Variants in MON1B observed in about 807,000 individuals in gnomAD.
The protein encoded by MON1B is vacuolar fusion protein MON1 homolog B.
A neutral mutation model predicts 45.1 loss-of-function variants in MON1B; 26 were observed. That is an observed-to-expected ratio of 0.58 (90% CI 0.42 to 0.80). The LOEUF (loss-of-function observed/expected upper bound fraction) is 0.80, where lower values mean the gene tolerates loss of function less well. Ranked by LOEUF, MON1B falls within the 30% of genes least tolerant of loss-of-function variation. MON1B has a pLI of 0.00. For missense variants in MON1B, 737 were observed against 754.5 expected, an observed-to-expected ratio of 0.98 and a Z score of 0.27; for synonymous variants, 395 against 320.2, an observed-to-expected ratio of 1.23 and a Z score of -2.49.
chr16:77,195,559 C>G lies in MON1B; in HGVS notation c.1320C>G (p.Ser440Arg). The change falls in exon 5 of 6, where the codon AGC becomes AGG. Residue 440 changes from serine to arginine, a missense_variant. Ser to Arg is a moderately radical substitution (Grantham distance 110). Coordinates refer to ENST00000248248, the MANE Select transcript of MON1B (RefSeq NM_014940.4). Reference protein sequence around the residue: ...FTSPELEAPYSREEERQRLSD... With the variant: ...FTSPELEAPYRREEERQRLSD... Reference sequence around the variant, plus strand: ...GCCCTGAGCTAGAGGCCCCCTACAGCAGAGAGGAGGAGCGGCAGCGGCTGT... The same window carrying G: ...GCCCTGAGCTAGAGGCCCCCTACAGGAGAGAGGAGGAGCGGCAGCGGCTGT... 6.2e-7 allele frequency: 1 copy of G among 1,613,926 alleles called. No homozygotes were observed. Among genetic ancestry groups the G allele is most frequent in the Non-Finnish European group, 8.5e-7 (1 of 1,179,904 alleles).
rs958199022 is a variant in MON1B at position 77,201,345 on chromosome 16, C to G, written c.*3037C>G. The G allele has an allele frequency of 6.6e-6, 1 of 152,146 alleles. No homozygotes were observed. The highest frequency in any genetic ancestry group is 2.4e-5 in the African/African-American group (1 of 41,436). 9.4% of individuals were successfully genotyped at this position (152,146 alleles called of 1,614,324 possible). ...AAAAAAAATTTTAGTATCAACCTTTCAAATTCCTCAAAATTAAAGTTATGA... is the reference window on the plus strand; with the variant it reads ...AAAAAAAATTTTAGTATCAACCTTTGAAATTCCTCAAAATTAAAGTTATGA... On this transcript the variant is annotated 3_prime_UTR_variant, in exon 6 of 6. Transcript: ENST00000248248.
In MON1B at chr16:77,198,281, C is replaced by T. The variant is rs765581313; in HGVS notation, c.1617C>T (p.Ala539=). ...CAGCCACCTCTACGGACCAAGCTGC[C>T]CATAATGGCTTGTTCACTGGACTCT... ...TPPATSTDQA[A]HNGLFTGL is the part of the protein sequence containing the mutation. Residue 539 remains alanine (A), a synonymous_variant, in exon 6 of 6, where the codon GCC becomes GCT. Transcript: ENST00000248248. 33 of 1,614,062 alleles carry T rather than the reference C, an allele frequency of 2.0e-5. No individual in the cohort carries two copies. Among genetic ancestry groups the T allele is most frequent in the Non-Finnish European group, 2.6e-5 (31 of 1,180,026 alleles).
At position 77,193,303 on chromosome 16, in the gene MON1B, G is replaced by A. The variant is rs1267682377; in HGVS notation, c.149-148G>A. ...ATTGCGGGGTCCTAGGGCAGTCATC[G>A]GGTCATTGAGGGGCATAGGAGACAC... On this transcript the variant is annotated intron_variant, in intron 2 of 5. Coordinates refer to ENST00000248248, the MANE Select transcript of MON1B (RefSeq NM_014940.4). This position sits in a 1 kb window ranked among gnomAD's most constrained non-coding sequence, Gnocchi z 5.0. The A allele has an allele frequency of 5.8e-6, 4 of 694,162 alleles. No homozygotes were observed. The highest frequency in any genetic ancestry group is 2.7e-5 in the East Asian group (1 of 36,488). 43.0% of individuals were successfully genotyped at this position (694,162 alleles called of 1,614,324 possible). A position where few individuals can be genotyped will look rare whatever the true frequency, so the allele number is the denominator to read the frequency against.
intron 5 of MON1B, among the ~76,000 whole-genome samples, chr16:77,196,933 C>A (rs1367076778): frequency 6.6e-6 from 1 of 152,006 alleles, no homozygotes; most frequent in Non-Finnish European, 1.5e-5. Flanking sequence ...CGGTGGGTAC[C>A]CTGATTTAGC....
At chr16:77,195,764 G>T (rs2054659512) in intron 5 of MON1B, 82 bp downstream of exon 5, 1 of 1,529,596 alleles carries the variant, frequency 6.5e-7, no homozygotes, top group African/African-American at 1.4e-5. Flanking sequence ...CAGCCACAGT[G>T]CCTCCACCAA....
chr16:77,198,219 C>T lies in MON1B; in HGVS notation c.1555C>T (p.Leu519Phe), dbSNP rs764726268. 2 of 1,614,182 alleles carry T rather than the reference C, an allele frequency of 1.2e-6. No homozygotes were observed. Among genetic ancestry groups the T allele is most frequent in the Non-Finnish European group, 1.7e-6 (2 of 1,180,026 alleles). The change falls in exon 6 of 6, where the codon CTC (leucine) becomes TTC (phenylalanine). Residue 519 changes from leucine (L) to phenylalanine (F), a missense_variant. Transcript: ENST00000248248. ...CTGGGTGAAGAAAGAGGAGGACCGG[C>T]TCTTCATTCGTTACCCACCCAAGTA... ...LRWVKKEEDR[L>F]FIRYPPKYST... is the part of the protein sequence containing the mutation.
intron 5 of MON1B, among the ~76,000 whole-genome samples, chr16:77,195,888 C>G (rs2054660955): frequency 6.6e-6 from 1 of 152,184 alleles, no homozygotes; most frequent in Non-Finnish European, 1.5e-5. Context: ...CCGACATTAG[C>G]CTCACCCTCC....
chr16:77,198,317 G>A lies in MON1B; in HGVS notation c.*9G>A, dbSNP rs747630593. The A allele has an allele frequency of 1.9e-6, 3 of 1,613,086 alleles. No individual in the cohort carries two copies. The highest frequency in any genetic ancestry group is 3.3e-5 in the Admixed American group (2 of 60,022). On this transcript the variant is annotated 3_prime_UTR_variant, in exon 6 of 6. Coordinates refer to ENST00000248248, the MANE Select transcript of MON1B (RefSeq NM_014940.4). The stretch of plus-strand genomic sequence containing the variant: ...TGTTCACTGGACTCTGATAGTTGGA[G>A]CTCCCAGACCAGGCAGTGCTGGGAG...
chr16:77,199,362 G>A lies in MON1B; in HGVS notation c.*1054G>A, dbSNP rs540626387. The stretch of plus-strand genomic sequence containing the variant: ...CCGCTGGCGTAACCGCGGGTTGCAC[G>A]CATGCGTGCTGAAAAGCCTTTCACC... On this transcript the variant is annotated 3_prime_UTR_variant, in exon 6 of 6. Transcript: ENST00000248248. The A allele has an allele frequency of 2.3e-6, 3 of 1,326,132 alleles. No homozygotes were observed. The highest frequency in any genetic ancestry group is 2.1e-5 in the Admixed American group (1 of 48,066). The allele number at this position is 1,326,132 out of a possible 1,614,324, so 82.1% of individuals were successfully genotyped here. A position where few individuals can be genotyped will look rare whatever the true frequency, so the allele number is the denominator to read the frequency against.
In MON1B at chr16:77,195,141, C is replaced by T; in HGVS notation, c.1282C>T (p.Pro428Ser). 4 of 1,593,310 alleles carry T rather than the reference C, an allele frequency of 2.5e-6. No homozygotes were observed. The highest frequency in any genetic ancestry group is 2.5e-6 in the Non-Finnish European group (3 of 1,176,490). Residue 428 changes from proline (P) to serine (S), a missense_variant, in exon 4 of 6, where the codon CCC becomes TCC. Physicochemically the swap from Pro to Ser is moderately conservative, Grantham distance 74 (BLOSUM62 -1). Coordinates refer to ENST00000248248, the MANE Select transcript of MON1B (RefSeq NM_014940.4). Reference sequence around the variant, plus strand: ...CATCCCTGACCACCACCGCCAACTGCCCCAGTTTACCAGGTAGGCCCTGAC... The same window carrying T: ...CATCCCTGACCACCACCGCCAACTGTCCCAGTTTACCAGGTAGGCCCTGAC... ...LDIPDHHRQLPQFTSPELEAP... is the reference protein window; with the variant it reads ...LDIPDHHRQLSQFTSPELEAP...
chr16:77,197,255 G>A (rs2054674124), intron 5 of MON1B, among the ~76,000 whole-genome samples: 1 of 152,048 alleles, frequency 6.6e-6, no homozygotes, highest in Non-Finnish European at 1.5e-5. Context: ...AAATTAGCTG[G>A]ATGTGGTGGC....
chr16:77,195,371 A>G (rs557553207), intron 4 of MON1B, among the ~76,000 whole-genome samples, 164 bp from the exon 5 acceptor site: 3 of 152,266 alleles, frequency 2.0e-5, no homozygotes, highest in African/African-American at 7.2e-5. Context: ...GGAATCTCCT[A>G]GTTTGATGAG....
chr16:77,197,114 C>G (rs2142502184), intron 5 of MON1B, among the ~76,000 whole-genome samples: 1 of 152,226 alleles, frequency 6.6e-6, no homozygotes, highest in East Asian at 1.9e-4. Context: ...TGCCTCACGC[C>G]TATAATCCCA....
At position 77,198,390 on chromosome 16, in the gene MON1B, G is replaced by T. The variant is rs147383637; in HGVS notation, c.*82G>T. 4.8e-6 allele frequency: 7 copies of T among 1,449,278 alleles called. No individual in the cohort carries two copies. The South Asian group carries it at 7.2e-5, about 15-fold the overall frequency. 89.8% of individuals were successfully genotyped at this position (1,449,278 alleles called of 1,614,324 possible). A position where few individuals can be genotyped will look rare whatever the true frequency, so the allele number is the denominator to read the frequency against. On this transcript the variant is annotated 3_prime_UTR_variant, in exon 6 of 6. Transcript: ENST00000248248. ...TCTGTCTACCCTGGAAATGTGTGTG[G>T]GGGTGTGTCTGTGGCCAGTCATTGT...
chr16:77,191,454 C>G lies in MON1B; in HGVS notation c.-10-22C>G, dbSNP rs201318134. On this transcript the variant is annotated intron_variant, in intron 1 of 5. Coordinates refer to ENST00000248248, the MANE Select transcript of MON1B (RefSeq NM_014940.4). ...AGAAGTTTCTTTCACCGCCCGTCAC[C>G]CTCGATTCCCCTCCCACTCAGGGAT... 1,424 of 1,582,828 alleles carry G rather than the reference C, an allele frequency of 9.0e-4. 2 individuals are homozygous for G. The highest frequency in any genetic ancestry group is 1.2e-3 in the Non-Finnish European group (1,382 of 1,166,462).
At position 77,193,235 on chromosome 16, in the gene MON1B, G is replaced by C. The variant is rs1240040388; in HGVS notation, c.149-216G>C. Among the ~76,000 whole-genome samples, 1 of 152,102 alleles carries C rather than the reference G, an allele frequency of 6.6e-6. No homozygotes were observed. Among genetic ancestry groups the C allele is most frequent in the Non-Finnish European group, 1.5e-5 (1 of 68,000 alleles). On this transcript the variant is annotated intron_variant, in intron 2 of 5. Transcript: ENST00000248248. The surrounding 1 kb of genome is among the most constrained non-coding windows in gnomAD (Gnocchi z 5.0). The stretch of plus-strand genomic sequence containing the variant: ...ACAATGAGAATATGTTGGTTTATTA[G>C]GGTTTTAGGAAGTTCATTGGAACCT...
rs749048785 is a variant in MON1B, at chr16:77,195,086, C to A, written c.1227C>A (p.Gly409=). The change falls in exon 4 of 6, where the codon GGC becomes GGA. Residue 409 remains glycine (G), a synonymous_variant. Coordinates refer to ENST00000248248, the MANE Select transcript of MON1B (RefSeq NM_014940.4). ...AYSVQAVGAP[G]LRHFLYKPLD... ...GCGTGCAGGCTGTCGGGGCGCCGGG[C>A]CTCCGGCACTTCCTGTATAAGCCGC... The A allele has an allele frequency of 6.2e-7, 1 of 1,603,524 alleles. No homozygotes were observed.
chr16:77,198,167 A>C lies in MON1B; in HGVS notation c.1503A>C (p.Ala501=). 1 of 1,614,168 alleles carries C rather than the reference A, an allele frequency of 6.2e-7. No individual in the cohort carries two copies. Among genetic ancestry groups the C allele is most frequent in the Non-Finnish European group, 8.5e-7 (1 of 1,180,026 alleles). ...CLSPLVTKAG[A]ILVVTKLLRW... is the part of the protein sequence containing the mutation. ...GCCCTCTGGTGACCAAGGCAGGTGC[A>C]ATCTTGGTAGTGACCAAACTCCTGC... Residue 501 remains alanine (A), a synonymous_variant, in exon 6 of 6, where the codon GCA becomes GCC. Transcript: ENST00000248248.
rs938674336 is a variant in MON1B at position 77,201,060 on chromosome 16, G to A, written c.*2752G>A. The A allele has an allele frequency of 2.0e-5, 3 of 152,136 alleles. No individual in the cohort carries two copies. Among genetic ancestry groups the A allele is most frequent in the African/African-American group, 4.8e-5 (2 of 41,422 alleles). The allele number at this position is 152,136 out of a possible 1,614,324, so 9.4% of individuals were successfully genotyped here. Reference sequence around the variant, plus strand: ...AAGTAATGATTATTGCTTATTGCCTGACCTAGGATGTGAGCTCCATGAGAA... The same window carrying A: ...AAGTAATGATTATTGCTTATTGCCTAACCTAGGATGTGAGCTCCATGAGAA... On this transcript the variant is annotated 3_prime_UTR_variant, in exon 6 of 6. Coordinates refer to ENST00000248248, the MANE Select transcript of MON1B (RefSeq NM_014940.4).
Sources: allele counts gnomAD v4.1 joint callset (sites outside exome capture counted in the v4.1 genomes callset), GRCh38; gene constraint gnomAD v4.1.1; non-coding constraint Gnocchi (gnomAD v3.1); transcripts MANE v1.5; gene names NCBI Gene and HGNC (gene_info 2026-07-23, HGNC 2026-07-21).